ACTR3B: variants seen among roughly 807,000 people sequenced by gnomAD.
The protein encoded by ACTR3B is actin related protein 3B.
A neutral mutation model predicts 59.0 loss-of-function variants in ACTR3B; 8 were observed. That is an observed-to-expected ratio of 0.14 (90% CI 0.08 to 0.24). The LOEUF (loss-of-function observed/expected upper bound fraction) is 0.24, where lower values mean the gene tolerates loss of function less well. ACTR3B is among the 10% of genes least tolerant of loss of function. The pLI, the probability that ACTR3B is intolerant of heterozygous loss-of-function variation, is 1.00. For synonymous variants in ACTR3B, 148 were observed against 197.9 expected (o/e 0.75, Z 2.12); for missense variants, 245 against 552.3 (o/e 0.44, Z 5.58).
At chr7:152,761,903 C>T (rs1172891672) in intron 1 of ACTR3B, among the ~76,000 whole-genome samples, 1 of 152,196 alleles carries the variant, frequency 6.6e-6, no homozygotes, top group Non-Finnish European at 1.5e-5. Context: ...AGCCCAGTGG[C>T]TGCTGAAGTT....
chr7:152,813,248 T>C (rs1485934129), intron 4 of ACTR3B: 1 of 125,576 alleles, frequency 8.0e-6, no homozygotes, highest in Admixed American at 8.7e-5. Flanking sequence ...TCATTCATAA[T>C]AAAGGGTAAT....
intron 2 of ACTR3B, among the ~76,000 whole-genome samples, chr7:152,790,195 A>G (rs2098190800): frequency 6.6e-6 from 1 of 152,116 alleles, no homozygotes; most frequent in Non-Finnish European, 1.5e-5. Flanking sequence ...GTCTCATTAT[A>G]TTGCCTGTCC....
chr7:152,807,832 T>C (rs538625225), intron 4 of ACTR3B, among the ~76,000 whole-genome samples: 12 of 152,330 alleles, frequency 7.9e-5, no homozygotes, highest in Admixed American at 7.8e-4. Flanking sequence ...GCTTTTCTTG[T>C]TGCTGTGATT....
chr7:152,844,059 T>C (rs1466507704), intron 9 of ACTR3B, among the ~76,000 whole-genome samples: 1 of 152,246 alleles, frequency 6.6e-6, no homozygotes. Flanking sequence ...CTTTCTAAAT[T>C]AAAAAATTAT....
At chr7:152,837,085 A>G (rs187885789) in intron 9 of ACTR3B, among the ~76,000 whole-genome samples, 314 of 152,246 alleles carry the variant, frequency 2.1e-3, no homozygotes, top group African/African-American at 7.1e-3. Flanking sequence ...CTGAGGCAGC[A>G]GGATTGCTTG....
At chr7:152,786,081 G>C (rs1306858540) in intron 2 of ACTR3B, among the ~76,000 whole-genome samples, 1 of 18,004 alleles carries the variant, frequency 5.6e-5, no homozygotes, top group African/African-American at 2.5e-4. Context: ...TGGTGGTCCT[G>C]CCGCAGCTTC....
At chr7:152,833,809 T>TATTTAAA (rs1797219301) in intron 9 of ACTR3B, among the ~76,000 whole-genome samples, 1 of 152,166 alleles carries the variant, frequency 6.6e-6, no homozygotes, top group Non-Finnish European at 1.5e-5. Flanking sequence ...ACAGGGCCTT[T>TATTTAAA]CCATCTGCAG....
chr7:152,845,013 C>T (rs4725881), intron 9 of ACTR3B, among the ~76,000 whole-genome samples: 19,784 of 146,432 alleles, frequency 0.14, 1,337 homozygotes, highest in Middle Eastern at 0.19. Context: ...ATACAGTGGT[C>T]GACCTGGTTG....
At chr7:152,778,241 T>C (rs2116580332) in intron 1 of ACTR3B, among the ~76,000 whole-genome samples, 1 of 151,352 alleles carries the variant, frequency 6.6e-6, no homozygotes, top group African/African-American at 2.4e-5. Flanking sequence ...TTTTTTTTTT[T>C]TTTACTACTT....
At chr7:152,851,202 A>T (rs1447631823) in intron 9 of ACTR3B, among the ~76,000 whole-genome samples, 1 of 152,236 alleles carries the variant, frequency 6.6e-6, no homozygotes. Context: ...ACTAAAGTAG[A>T]ATAATTATTG....
At chr7:152,792,053 G>A (rs1214311432) in intron 2 of ACTR3B, among the ~76,000 whole-genome samples, 32 of 151,968 alleles carry the variant, frequency 2.1e-4, no homozygotes, top group African/African-American at 7.0e-4. Context: ...CACCACGCCC[G>A]GCTAATTTTT....
chr7:152,807,228 G>A (rs1165439706), intron 4 of ACTR3B, among the ~76,000 whole-genome samples: 1 of 152,136 alleles, frequency 6.6e-6, no homozygotes, highest in Non-Finnish European at 1.5e-5. Flanking sequence ...TAGAAAATTT[G>A]GAAGATATCT....
intron 9 of ACTR3B, among the ~76,000 whole-genome samples, chr7:152,829,863 G>A (rs924935660): frequency 6.6e-6 from 1 of 152,192 alleles, no homozygotes; most frequent in Non-Finnish European, 1.5e-5. Context: ...GTAATGTAAT[G>A]GATGTCTTTC....
intron 9 of ACTR3B, among the ~76,000 whole-genome samples, chr7:152,842,520 G>A (rs942773330): frequency 1.4e-4 from 21 of 152,136 alleles, no homozygotes; most frequent in African/African-American, 2.2e-4. Context: ...ACCGTGGAGC[G>A]GGAGCCGCAG....
intron 9 of ACTR3B, among the ~76,000 whole-genome samples, chr7:152,835,150 G>T (rs2116927875): frequency 6.6e-6 from 1 of 152,272 alleles, no homozygotes; most frequent in Admixed American, 6.5e-5. Context: ...AAGAGTATAG[G>T]CGTCAGGGCC....
intron 1 of ACTR3B, among the ~76,000 whole-genome samples, chr7:152,768,659 A>G (rs894850989): frequency 2.6e-5 from 4 of 152,034 alleles, no homozygotes; most frequent in African/African-American, 4.8e-5. Context: ...TATATTTAGT[A>G]GAGACGGGGT....
chr7:152,842,049 AC>A (rs1797908164), intron 9 of ACTR3B, among the ~76,000 whole-genome samples: 2 of 152,196 alleles, frequency 1.3e-5, no homozygotes, highest in South Asian at 4.1e-4. Flanking sequence ...CCAGGAAGGC[AC>A]CCATCTGCTT....
At chr7:152,785,320 A>G (rs2098167772) in intron 2 of ACTR3B, among the ~76,000 whole-genome samples, 1 of 135,158 alleles carries the variant, frequency 7.4e-6, no homozygotes, top group Non-Finnish European at 1.6e-5. Context: ...AGGATAATAC[A>G]AATGTCAAAG....
rs7792978 is a variant in ACTR3B at position 152,845,271 on chromosome 7, T to C, written c.952-6855T>C. 3.7e-3 allele frequency among the ~76,000 whole-genome samples: 563 copies of C among 152,276 alleles called. 2 individuals are homozygous for C. Among genetic ancestry groups the C allele is most frequent in the African/African-American group, 0.013 (543 of 41,532 alleles). On this transcript the variant is annotated intron_variant, in intron 9 of 11. Transcript: ENST00000256001. Reference sequence around the variant, plus strand: ...TTTTTTGCCCTTTTTCTGTCTCTCCTGTTCCACATTCTTCTCATTTGCTGA... The same window carrying C: ...TTTTTTGCCCTTTTTCTGTCTCTCCCGTTCCACATTCTTCTCATTTGCTGA...
Sources: gnomAD v4.1 joint callset for allele counts (sites outside exome capture counted in the v4.1 genomes callset) on GRCh38, gnomAD v4.1.1 for gene constraint, MANE v1.5 for transcripts, NCBI Gene and HGNC (gene_info 2026-07-23, HGNC 2026-07-21) for gene names.